RNF17: variants seen among roughly 807,000 people sequenced by gnomAD.
RNF17 encodes ring finger protein 17, also known as spermatogenesis associated 23.
Under a neutral mutation model 200.5 loss-of-function variants are expected in RNF17, and 31 were observed. That is an observed-to-expected ratio of 0.15 (90% confidence interval 0.12 to 0.21). RNF17 has a LOEUF of 0.21. Among genes scored for constraint, RNF17 ranks in the 10% least tolerant of loss-of-function variants. The pLI, the probability that RNF17 is intolerant of heterozygous loss-of-function variation, is 1.00. For synonymous variants in RNF17, 606 were observed against 637.8 expected (o/e 0.95, Z 0.75); for missense variants, 1,628 against 1,905.1 (o/e 0.85, Z 2.71).
At chr13:24,872,470 C>T (rs1040139891) in intron 32 of RNF17, among the ~76,000 whole-genome samples, 4 of 151,978 alleles carry the variant, frequency 2.6e-5, no homozygotes, top group East Asian at 1.9e-4. Flanking sequence ...TAAGGATGTA[C>T]GAAGGGAAGT....
intron 18 of RNF17, among the ~76,000 whole-genome samples, chr13:24,837,648 G>T (rs887971536): frequency 6.6e-6 from 1 of 152,090 alleles, no homozygotes; most frequent in Non-Finnish European, 1.5e-5. Context: ...CAAACTGAAC[G>T]ACATAATGAC....
downstream of RNF17, chr13:24,884,092 AAAGTT>A (rs767428528): frequency 8.3e-6 from 13 of 1,568,942 alleles, no homozygotes; most frequent in Non-Finnish European, 1.0e-5. Context: ...TTCTGTTTAA[AAAGTT>A]GTTACAGTAA....
the RNF17 span, among the ~76,000 whole-genome samples, chr13:24,757,385 G>A: frequency 0.014 from 2,128 of 150,644 alleles, 59 homozygotes; most frequent in African/African-American, 0.05. Context: ...GTACAGTGGC[G>A]TGTTCTTGGC....
At chr13:24,827,029 C>T (rs932839718) in intron 16 of RNF17, among the ~76,000 whole-genome samples, 4 of 151,964 alleles carry the variant, frequency 2.6e-5, no homozygotes, top group Non-Finnish European at 5.9e-5. Flanking sequence ...CATTGTACTC[C>T]AGCCTGGGCA....
Position 24,796,183 on chromosome 13 carries a change from T to A in RNF17, c.1287T>A (p.His429Gln). The A allele has an allele frequency of 6.2e-7, 1 of 1,612,696 alleles. No individual in the cohort carries two copies. The highest frequency in any genetic ancestry group is 8.5e-7 in the Non-Finnish European group (1 of 1,179,156). Residue 429 changes from histidine (H) to glutamine (Q), a missense_variant, in exon 11 of 36, where the codon CAT (histidine) becomes CAA (glutamine). His to Gln is a conservative substitution (Grantham distance 24). Coordinates refer to ENST00000255324, the MANE Select transcript of RNF17 (RefSeq NM_031277.3). ...TAAGCCATGTAATAGATCCTTGCCA[T>A]TTCTACATTCGGAAGTATTCACAAA... Reference protein sequence around the residue: ...VFVSHVIDPCHFYIRKYSQIK... With the variant: ...VFVSHVIDPCQFYIRKYSQIK...
At chr13:24,798,319 T>A (rs773077497) in intron 11 of RNF17, among the ~76,000 whole-genome samples, 6 of 152,160 alleles carry the variant, frequency 3.9e-5, no homozygotes, top group Non-Finnish European at 7.4e-5. Flanking sequence ...ATCAATGACA[T>A]TAAGTGGGGA....
chr13:24,875,248 A>G (rs1208170440), intron 33 of RNF17, among the ~76,000 whole-genome samples: 1 of 152,176 alleles, frequency 6.6e-6, no homozygotes, highest in Non-Finnish European at 1.5e-5. Flanking sequence ...CATTAAATTT[A>G]TGGTGAAGCT....
At chr13:24,868,853 C>T in intron 31 of RNF17, 137 bp downstream of exon 31, 2 of 625,558 alleles carry the variant, frequency 3.2e-6, no homozygotes, top group Non-Finnish European at 5.7e-6. Context: ...TTTGCCCCAC[C>T]CTATAATATC....
chr13:24,748,205 C>G, the RNF17 span, among the ~76,000 whole-genome samples: 1 of 152,316 alleles, frequency 6.6e-6, no homozygotes, highest in South Asian at 2.1e-4. Context: ...ATCGTGACAC[C>G]CTGTGGCTTT....
At chr13:24,801,139 T>C (rs931894934) in intron 13 of RNF17, among the ~76,000 whole-genome samples, 1 of 152,180 alleles carries the variant, frequency 6.6e-6, no homozygotes, top group Non-Finnish European at 1.5e-5. Context: ...AACACAAAAA[T>C]AGCAGCACTG....
intron 10 of RNF17, among the ~76,000 whole-genome samples, chr13:24,795,090 C>T (rs1438100285): frequency 6.6e-6 from 1 of 152,082 alleles, no homozygotes; most frequent in Non-Finnish European, 1.5e-5. Flanking sequence ...TTTACCCCAC[C>T]CTAAATATGG....
intron 32 of RNF17, among the ~76,000 whole-genome samples, chr13:24,871,248 C>T (rs1191595266): frequency 6.6e-6 from 1 of 152,052 alleles, no homozygotes; most frequent in Non-Finnish European, 1.5e-5. Context: ...CTAGTTATTG[C>T]GGTATGTAAT....
chr13:24,847,842 G>A (rs1305743413), intron 22 of RNF17, among the ~76,000 whole-genome samples: 2 of 152,080 alleles, frequency 1.3e-5, no homozygotes, highest in Non-Finnish European at 2.9e-5. Context: ...GGAAGTCTCA[G>A]CTCACATACT....
At chr13:24,764,395 T>C in intron 1 of RNF17, 62 bp downstream of exon 1, 1 of 1,503,444 alleles carries the variant, frequency 6.7e-7, no homozygotes, top group African/African-American at 1.4e-5. Flanking sequence ...GGGGGCCAGG[T>C]GAGCTGGTGG....
intron 2 of RNF17, among the ~76,000 whole-genome samples, chr13:24,772,426 A>ATTTTTTTTTTTTTTTTTTTTTTTT (rs34066913): frequency 1.9e-5 from 2 of 106,020 alleles, no homozygotes; most frequent in African/African-American, 3.7e-5. Flanking sequence ...TTGAGTCTCC[A>ATTTTTTTTTTTTTTTTTTTTTTTT]TTTTTTTTTT....
In RNF17 at chr13:24,767,128, C is replaced by A. The variant is rs1257933882; in HGVS notation, c.131-144C>A. On this transcript the variant is annotated intron_variant, in intron 1 of 35. Transcript: ENST00000255324. ...CCTATAGTCCCAGCTACTTGGGAGGCTGAGGTAGGAGGATCACTTGAGCCC... is the reference window on the plus strand; with the variant it reads ...CCTATAGTCCCAGCTACTTGGGAGGATGAGGTAGGAGGATCACTTGAGCCC... 22 of 590,014 alleles carry A rather than the reference C, an allele frequency of 3.7e-5. No individual in the cohort carries two copies. In the East Asian group the frequency reaches 6.3e-4, roughly 17 times the overall value. The allele number at this position is 590,014 out of a possible 1,614,324, so 36.5% of individuals were successfully genotyped here. A position where few individuals can be genotyped will look rare whatever the true frequency, so the allele number is the denominator to read the frequency against.
At chr13:24,778,709 T>C (rs1393411101) in intron 4 of RNF17, among the ~76,000 whole-genome samples, 1 of 152,218 alleles carries the variant, frequency 6.6e-6, no homozygotes, top group African/African-American at 2.4e-5. Flanking sequence ...AGCATGAGTT[T>C]TTAAATTTTA....
chr13:24,820,040 C>T (rs1887845153), intron 15 of RNF17, among the ~76,000 whole-genome samples: 1 of 151,440 alleles, frequency 6.6e-6, no homozygotes, highest in Non-Finnish European at 1.5e-5. Flanking sequence ...TTGTGTTTTT[C>T]TTTAGTACAT....
chr13:24,850,766 G>A (rs532976506), intron 23 of RNF17, among the ~76,000 whole-genome samples: 1 of 152,024 alleles, frequency 6.6e-6, no homozygotes, highest in Admixed American at 6.6e-5. Flanking sequence ...TTTGCTTTTT[G>A]TAGGAGAAAA....
Sources: allele counts gnomAD v4.1 joint callset (sites outside exome capture counted in the v4.1 genomes callset), GRCh38; gene constraint gnomAD v4.1.1; transcripts MANE v1.5; gene names NCBI Gene and HGNC (gene_info 2026-07-23, HGNC 2026-07-21).